Variants in NPHS1 observed in about 807,000 individuals in gnomAD.
NPHS1 encodes nephrin.
A neutral mutation model predicts 139.7 loss-of-function variants in NPHS1; 107 were observed. The ratio of observed to expected loss-of-function variants is 0.77; its 90% CI spans 0.66 to 0.90. The LOEUF (loss-of-function observed/expected upper bound fraction) is 0.90, where lower values mean the gene tolerates loss of function less well. Among genes scored for constraint, NPHS1 ranks in the 40% least tolerant of loss-of-function variants. NPHS1 has a pLI of 0.00. For synonymous variants in NPHS1, 707 were observed against 706.6 expected (o/e 1.00, Z -0.01); for missense variants, 1,580 against 1,654.2 (o/e 0.96, Z 0.78).
At position 35,839,328 on chromosome 19, in the gene NPHS1, A is replaced by G; in HGVS notation, c.3018T>C (p.Ser1006=). 1 of 1,614,212 alleles carries G rather than the reference A, an allele frequency of 6.2e-7. No individual in the cohort carries two copies. Among genetic ancestry groups the G allele is most frequent in the Non-Finnish European group, 8.5e-7 (1 of 1,180,040 alleles). The change falls in exon 22 of 29, where the codon TCT becomes TCC. Residue 1006 remains serine, a synonymous_variant. Transcript: ENST00000378910. ...TTFTLTGLQP[S]TRYRVWLLAS... is the part of the protein sequence containing the mutation. Reference sequence around the variant, plus strand: ...CCAGCAGCCAGACCCTGTATCTTGTAGAAGGCTGTAGACCAGTCAGCGTGA... The same window carrying G: ...CCAGCAGCCAGACCCTGTATCTTGTGGAAGGCTGTAGACCAGTCAGCGTGA...
At position 35,851,400 on chromosome 19, in the gene NPHS1, G is replaced by A. The variant is rs752931417; in HGVS notation, c.275-16C>T. ...TGGAATTCACCTGCAGGGGGAGCCG[G>A]AAGTCAGGGCCGCAGCTTCCGCTGG... is the stretch of plus-strand genomic sequence containing the variant. On this transcript the variant is annotated splice_polypyrimidine_tract_variant and intron_variant, in intron 2 of 28. Transcript: ENST00000378910. 1.2e-6 allele frequency: 2 copies of A among 1,612,858 alleles called. No individual in the cohort carries two copies. Among genetic ancestry groups the A allele is most frequent in the South Asian group, 2.2e-5 (2 of 90,928 alleles).
At chr19:35,830,767 CCTAA>C (rs1972866200) in intron 28 of NPHS1, 73 bp downstream of exon 28, 7 of 915,104 alleles carry the variant, frequency 7.6e-6, no homozygotes, top group Non-Finnish European at 1.1e-5. Flanking sequence ...GCTAGCTGGC[CCTAA>C]CTAATACAAG....
rs386833887 is a variant in NPHS1 at position 35,845,725 on chromosome 19, G to T, written c.1701C>A (p.Cys567Ter). The T allele has an allele frequency of 1.2e-5, 20 of 1,613,990 alleles. No individual in the cohort carries two copies. The Admixed American group carries it at 2.8e-4, about 23-fold the overall frequency. ...LRPGDALNLT[C>*]VSVSSNPPVN... Reference sequence around the variant, plus strand: ...CCGGCGGATTGCTGCTGACGCTGACGCATGTCAAGTTTAAGGCGTCTCCCG... The same window carrying T: ...CCGGCGGATTGCTGCTGACGCTGACTCATGTCAAGTTTAAGGCGTCTCCCG... Residue 567 changes from cysteine to a stop codon, truncating the protein, a stop_gained, in exon 13 of 29, where the codon TGC becomes TGA. Coordinates refer to ENST00000378910, the MANE Select transcript of NPHS1 (RefSeq NM_004646.4). LOFTEE classifies it high-confidence loss of function. This position sits in a 1 kb window ranked among gnomAD's most constrained non-coding sequence, Gnocchi z 5.5.
At chr19:35,827,460 CA>C (rs1972813751) in intron 28 of NPHS1, among the ~76,000 whole-genome samples, 1 of 151,030 alleles carries the variant, frequency 6.6e-6, no homozygotes, top group Admixed American at 6.6e-5. Context: ...GAGACTATCT[CA>C]AAAAAAGAAA....
chr19:35,843,333 C>T, intron 17 of NPHS1, 139 bp downstream of exon 17: 2 of 1,112,204 alleles, frequency 1.8e-6, no homozygotes, highest in Non-Finnish European at 2.7e-6. Flanking sequence ...AACAGTTATT[C>T]ATTCTGGGAG....
chr19:35,842,783 C>A (rs1973080594), intron 17 of NPHS1, among the ~76,000 whole-genome samples: 1 of 152,096 alleles, frequency 6.6e-6, no homozygotes, highest in Non-Finnish European at 1.5e-5. Context: ...TGCTTGGAAC[C>A]ATCTATCCGT....
chr19:35,844,522 G>T, intron 14 of NPHS1, 63 bp from the exon 15 acceptor site: 1 of 1,517,752 alleles, frequency 6.6e-7, no homozygotes, highest in Non-Finnish European at 8.9e-7. Context: ...GGACAGATTG[G>T]AGATCAGGCA....
intron 5 of NPHS1, among the ~76,000 whole-genome samples, chr19:35,849,866 T>C (rs1199132937): frequency 6.6e-6 from 1 of 152,134 alleles, no homozygotes; most frequent in African/African-American, 2.4e-5. Flanking sequence ...AAAACTTTAG[T>C]GCTTGGGACT....
chr19:35,847,053 TC>T (rs1286456521), intron 11 of NPHS1, among the ~76,000 whole-genome samples: 6 of 152,078 alleles, frequency 3.9e-5, no homozygotes, highest in African/African-American at 1.5e-4. Context: ...TCTTTTCTTT[TC>T]TTTTTTTTTG....
rs746769666 is a variant in NPHS1 at position 35,839,610 on chromosome 19, A to G, written c.2816-3T>C. ...TCCTGATGGAGGGTCAGGGCGGCCT[A>G]TGGGGAGAAAGATGGGAAAGCAGTC... is the stretch of plus-strand genomic sequence containing the variant. On this transcript the variant is annotated splice_region_variant and splice_polypyrimidine_tract_variant and intron_variant, in intron 20 of 28. Coordinates refer to ENST00000378910, the MANE Select transcript of NPHS1 (RefSeq NM_004646.4). 69 of 1,611,776 alleles carry G rather than the reference A, an allele frequency of 4.3e-5. 1 individual carries two copies. In the African/African-American group the frequency reaches 7.1e-4, roughly 17 times the overall value.
intron 4 of NPHS1, 105 bp from the exon 5 acceptor site, chr19:35,850,550 C>T (rs1213831078): frequency 4.2e-6 from 4 of 961,812 alleles, no homozygotes; most frequent in Non-Finnish European, 6.7e-6. Context: ...CCCCTCCCTC[C>T]TCGTTCTAGA....
In NPHS1 at chr19:35,848,157, G is replaced by C. The variant is rs1255923988; in HGVS notation, c.1324C>G (p.Gln442Glu). 6.2e-7 allele frequency: 1 copy of C among 1,614,072 alleles called. No individual in the cohort carries two copies. Among genetic ancestry groups the C allele is most frequent in the Non-Finnish European group, 8.5e-7 (1 of 1,180,030 alleles). The change falls in exon 11 of 29, where the codon CAG becomes GAG. Residue 442 changes from glutamine to glutamate, a missense_variant. By Grantham distance (29) the Gln-to-Glu change is conservative. Transcript: ENST00000378910. ...SLILNVKYPA[Q>E]KLWIEGPPEG... is the part of the protein sequence containing the mutation. ...GGGGGACCCTCAATCCACAGTTTCT[G>C]GGCGGGATCTGGCGGGGAGAGGAAG...
chr19:35,849,416 A>G, intron 6 of NPHS1, 53 bp from the exon 7 acceptor site: 1 of 1,601,480 alleles, frequency 6.2e-7, no homozygotes, highest in Non-Finnish European at 8.5e-7. Context: ...CACTCTTTCC[A>G]GGCCCCACAA....
intron 5 of NPHS1, 79 bp downstream of exon 5, chr19:35,850,285 A>C (rs1268527383): frequency 1.8e-6 from 2 of 1,132,262 alleles, no homozygotes; most frequent in Non-Finnish European, 2.7e-6. Context: ...CCCAAGCTTC[A>C]TGCTTGCATC....
rs900693869 is a variant in NPHS1 at position 35,851,847 on chromosome 19, C to T, written c.-10G>A. On this transcript the variant is annotated 5_prime_UTR_variant, in exon 1 of 29. Transcript: ENST00000378910. ...TCGTCCCCAGGGCCATCACAGGTCC[C>T]CCTACTGTGACCCCCACAGCGCCCG... 5 of 1,550,320 alleles carry T rather than the reference C, an allele frequency of 3.2e-6. No homozygotes were observed. The African/African-American group carries it at 5.5e-5, about 17-fold the overall frequency.
rs1568454439 is a variant in NPHS1, at chr19:35,845,398, CG to C, written c.1899del (p.Val634Ter). 6.2e-7 allele frequency: 1 copy of C among 1,614,248 alleles called. No individual in the cohort carries two copies. Among genetic ancestry groups the C allele is most frequent in the Admixed American group, 1.7e-5 (1 of 60,034 alleles). On this transcript the variant is annotated frameshift_variant, in exon 14 of 29. Coordinates refer to ENST00000378910, the MANE Select transcript of NPHS1 (RefSeq NM_004646.4). LOFTEE classifies it high-confidence loss of function. This position sits in a 1 kb window ranked among gnomAD's most constrained non-coding sequence, Gnocchi z 5.5. ...ACGTTGAGGCGATAGAAGGAGCTCA[CG>C]GTTTCGCGGAGCTCGGCGCTGTGGG... ...CRAHSAELRETVSSFYRLNVL... is the reference protein window; with the variant it reads ...CRAHSAELREXVSSFYRLNVL...
At chr19:35,835,092 C>T (rs779656666) in intron 23 of NPHS1, among the ~76,000 whole-genome samples, 40 of 146,934 alleles carry the variant, frequency 2.7e-4, no homozygotes, top group Non-Finnish European at 8.9e-5. Context: ...CCCAGCAACT[C>T]GGGAGGCTAA....
intron 28 of NPHS1, among the ~76,000 whole-genome samples, chr19:35,830,389 G>A (rs971363863): frequency 6.6e-6 from 1 of 152,192 alleles, no homozygotes; most frequent in African/African-American, 2.4e-5. Flanking sequence ...GGCCACTCAC[G>A]TCTGACTGAA....
intron 23 of NPHS1, among the ~76,000 whole-genome samples, chr19:35,832,742 C>T (rs1046605397): frequency 9.3e-5 from 14 of 151,202 alleles, no homozygotes; most frequent in African/African-American, 3.4e-4. Context: ...AAAAAATTAG[C>T]TGGGTGTGGT....
Sources: gnomAD v4.1 joint callset for allele counts (sites outside exome capture counted in the v4.1 genomes callset) on GRCh38, gnomAD v4.1.1 for gene constraint, Gnocchi (gnomAD v3.1) non-coding constraint, MANE v1.5 for transcripts, NCBI Gene and HGNC (gene_info 2026-07-23, HGNC 2026-07-21) for gene names.